COL21A1: variants seen among roughly 807,000 people sequenced by gnomAD.
The protein encoded by COL21A1 is collagen alpha-1(XXI) chain.
COL21A1 carries 149 observed loss-of-function variants against 137.9 expected under a neutral mutation model. That is an observed-to-expected ratio of 1.08 (90% confidence interval 0.95 to 1.24). The LOEUF (loss-of-function observed/expected upper bound fraction) is 1.24. COL21A1 is among the 50% of genes most tolerant of loss of function. The pLI, the probability that COL21A1 is intolerant of heterozygous loss-of-function variation, is 0.00. For synonymous variants in COL21A1, 456 were observed against 391.5 expected, an observed-to-expected ratio of 1.16 and a Z score of -1.95; for missense variants, 1,167 against 1,158.4, an observed-to-expected ratio of 1.01 and a Z score of -0.11.
intron 21 of COL21A1, among the ~76,000 whole-genome samples, chr6:56,069,491 T>C (rs891646326): frequency 9.9e-5 from 15 of 150,986 alleles, no homozygotes; most frequent in African/African-American, 3.6e-4. Flanking sequence ...AACTGCTTTT[T>C]CTCAAATTGC....
rs1276553321 is a variant in COL21A1, at chr6:56,326,007, T to A, written c.-39+67964A>T. Among the ~76,000 whole-genome samples, 3 of 2,336 alleles carry A rather than the reference T, an allele frequency of 1.3e-3. 1 individual carries two copies. The highest frequency in any genetic ancestry group is 0.12 in the East Asian group (2 of 16). 1.5% of individuals were successfully genotyped at this position (2,336 alleles called of 152,430 possible). On this transcript the variant is annotated intron_variant, in intron 1 of 28. Transcript: ENST00000370819. Reference sequence around the variant, plus strand: ...TAATATATGTATATACATACATATATTATGTATATGTATATACATAATATA... The same window carrying A: ...TAATATATGTATATACATACATATAATATGTATATGTATATACATAATATA...
chr6:56,138,447 GA>G (rs1183026824), intron 12 of COL21A1, among the ~76,000 whole-genome samples: 5 of 151,926 alleles, frequency 3.3e-5, no homozygotes, highest in Non-Finnish European at 7.4e-5. Flanking sequence ...AACATTTAGA[GA>G]ATGTGTGGAG....
At chr6:56,079,263 T>C (rs746020127) in intron 17 of COL21A1, among the ~76,000 whole-genome samples, 9 of 151,722 alleles carry the variant, frequency 5.9e-5, no homozygotes, top group Non-Finnish European at 1.2e-4. Context: ...GGTACAGTTC[T>C]GTCAATGTAA....
chr6:56,089,509 C>T (rs761470613), intron 17 of COL21A1, among the ~76,000 whole-genome samples: 4 of 151,882 alleles, frequency 2.6e-5, no homozygotes, highest in South Asian at 2.1e-4. Flanking sequence ...ACTGTCAAAA[C>T]GTTCCAAAAA....
chr6:56,375,245 G>A (rs748125840), intron 1 of COL21A1, among the ~76,000 whole-genome samples: 1 of 152,188 alleles, frequency 6.6e-6, no homozygotes, highest in African/African-American at 2.4e-5. Flanking sequence ...ACAGGAGTCT[G>A]TCCTGGATAT....
In COL21A1 at chr6:56,260,585, A is replaced by AAGAAG. The variant is rs1430065674; in HGVS notation, c.-38-77930_-38-77929insCTTCT. 8.9e-4 allele frequency among the ~76,000 whole-genome samples: 82 copies of AAGAAG among 91,826 alleles called. 7 individuals carry two copies. The highest frequency in any genetic ancestry group is 1.1e-3 in the Non-Finnish European group (47 of 41,276). 60.2% of individuals were successfully genotyped at this position (91,826 alleles called of 152,430 possible). On this transcript the variant is annotated intron_variant, in intron 1 of 28. Coordinates refer to the COL21A1 transcript ENST00000370819. ...CAAGACTCTATCAAAAAAAAAAAAG[A>AAGAAG]AAGAAGAAGAAGAAGAAGAAGAAGA...
At chr6:56,358,321 A>G (rs142744159) in intron 1 of COL21A1, among the ~76,000 whole-genome samples, 87 of 152,190 alleles carry the variant, frequency 5.7e-4, no homozygotes, top group African/African-American at 2.1e-3. Flanking sequence ...TTTGAAGATA[A>G]TCTGAAATTT....
intron 10 of COL21A1, among the ~76,000 whole-genome samples, chr6:56,145,119 G>A (rs1414518698): frequency 6.6e-6 from 1 of 152,154 alleles, no homozygotes; most frequent in Non-Finnish European, 1.5e-5. Flanking sequence ...GGGAATGGCA[G>A]GTCCAGTCAT....
At chr6:56,064,644 T>C in intron 23 of COL21A1, 22 bp from the exon 24 acceptor site, 1 of 1,533,220 alleles carries the variant, frequency 6.5e-7, no homozygotes, top group Non-Finnish European at 8.9e-7. Flanking sequence ...AAAAAAACAT[T>C]ATTGATTAGT....
intron 16 of COL21A1, among the ~76,000 whole-genome samples, chr6:56,122,682 G>A (rs1251941907): frequency 6.6e-6 from 1 of 152,044 alleles, no homozygotes; most frequent in Non-Finnish European, 1.5e-5. Flanking sequence ...TACATTTGCA[G>A]GTACATGAAT....
chr6:56,059,433 A>T (rs1765603354), intron 28 of COL21A1, among the ~76,000 whole-genome samples, 191 bp from the exon 29 acceptor site: 1 of 152,218 alleles, frequency 6.6e-6, no homozygotes, highest in Non-Finnish European at 1.5e-5. Flanking sequence ...TTTAGATCCA[A>T]GACTTAATGG....
intron 1 of COL21A1, among the ~76,000 whole-genome samples, chr6:56,296,512 A>C (rs1470057932): frequency 2.0e-5 from 3 of 151,720 alleles, no homozygotes; most frequent in Non-Finnish European, 4.4e-5. Context: ...GTTCCCTCTC[A>C]TTTTCTCTTG....
chr6:56,302,246 T>G (rs1487307015), intron 1 of COL21A1, among the ~76,000 whole-genome samples: 2 of 151,958 alleles, frequency 1.3e-5, no homozygotes, highest in African/African-American at 2.4e-5. Context: ...ATATACCCAG[T>G]AATGGGATGG....
intron 1 of COL21A1, among the ~76,000 whole-genome samples, chr6:56,287,256 T>G (rs4425584): frequency 0.68 from 103,727 of 151,688 alleles, 36,461 homozygotes; most frequent in African/African-American, 0.76. Context: ...ATTGTGGCCC[T>G]GTGGTGGAAA....
At chr6:56,106,793 G>GT (rs200099516) in intron 16 of COL21A1, among the ~76,000 whole-genome samples, 152 of 148,432 alleles carry the variant, frequency 1.0e-3, no homozygotes, top group Non-Finnish European at 1.1e-3. Context: ...CATTATACAA[G>GT]TTTTTTTTTT....
chr6:56,126,331 A>T, intron 12 of COL21A1, 182 bp from the exon 13 acceptor site: 1 of 539,334 alleles, frequency 1.9e-6, no homozygotes, highest in Non-Finnish European at 3.3e-6. Context: ...GGTTTCATTT[A>T]TAATCAGAGA....
intron 1 of COL21A1, among the ~76,000 whole-genome samples, chr6:56,315,792 TTA>T (rs1764717873): frequency 6.6e-6 from 1 of 150,686 alleles, no homozygotes; most frequent in African/African-American, 2.4e-5. Context: ...GAAAAGGAAC[TTA>T]AAAAGCATAC....
chr6:56,343,642 A>G (rs1765519024), intron 1 of COL21A1, among the ~76,000 whole-genome samples: 1 of 152,194 alleles, frequency 6.6e-6, no homozygotes, highest in Non-Finnish European at 1.5e-5. Context: ...TCAACTTCAC[A>G]ATAATAATTG....
At chr6:56,299,199 T>C (rs1432373199) in intron 1 of COL21A1, among the ~76,000 whole-genome samples, 1 of 152,124 alleles carries the variant, frequency 6.6e-6, no homozygotes, top group Non-Finnish European at 1.5e-5. Context: ...TCATATATTC[T>C]ATCCAGCTAA....
Sources: gnomAD v4.1 joint callset for allele counts (sites outside exome capture counted in the v4.1 genomes callset) on GRCh38, gnomAD v4.1.1 for gene constraint, MANE v1.5 for transcripts, NCBI Gene and HGNC (gene_info 2026-07-23, HGNC 2026-07-21) for gene names.